The following LRP1B variants were observed in gnomAD, a reference collection of about 807,000 sequenced individuals.
LRP1B encodes the protein LDL receptor related protein 1B.
LRP1B carries 217 observed loss-of-function variants against 556.6 expected under a neutral mutation model. The observed-to-expected ratio is 0.39, with a 90% CI of 0.35 to 0.44. The LOEUF is 0.44. Ranked by LOEUF, LRP1B falls within the 20% of genes least tolerant of loss-of-function variation. The pLI, the probability that LRP1B is intolerant of heterozygous loss-of-function variation, is 1.00. For missense variants in LRP1B, 5,053 were observed against 5,620.8 expected, an observed-to-expected ratio of 0.90 and a Z score of 3.23; for synonymous variants, 2,047 against 1,865.8, an observed-to-expected ratio of 1.10 and a Z score of -2.50.
At chr2:140,674,532 A>G (rs1031063025) in intron 41 of LRP1B, among the ~76,000 whole-genome samples, 15 of 152,316 alleles carry the variant, frequency 9.8e-5, no homozygotes, top group African/African-American at 3.4e-4. Flanking sequence ...CTTTCAACAA[A>G]TTGCCAATCA....
At chr2:140,576,587 C>G in intron 43 of LRP1B, among the ~76,000 whole-genome samples, 1 of 152,152 alleles carries the variant, frequency 6.6e-6, no homozygotes, top group Non-Finnish European at 1.5e-5. Flanking sequence ...AATCTAAGAT[C>G]AGCTTCAAAG....
chr2:141,617,829 T>A (rs978220912), intron 2 of LRP1B, among the ~76,000 whole-genome samples: 5 of 152,222 alleles, frequency 3.3e-5, no homozygotes, highest in African/African-American at 1.2e-4. Context: ...GTATAAAAAC[T>A]CCCATGTATA....
rs139218960 is a variant in LRP1B at position 141,097,411 on chromosome 2, G to C, written c.1014-35138C>G. On this transcript the variant is annotated intron_variant, in intron 7 of 90. Coordinates refer to ENST00000389484, the MANE Select transcript of LRP1B (RefSeq NM_018557.3). ...ATTAAGCAAGTATCTGTGAACGGATGCCACTTCAAAGAGGGGGAGTAAGAA... is the reference window on the plus strand; with the variant it reads ...ATTAAGCAAGTATCTGTGAACGGATCCCACTTCAAAGAGGGGGAGTAAGAA... Among the ~76,000 whole-genome samples the C allele has an allele frequency of 7.2e-5, 11 of 152,230 alleles. 1 individual carries two copies. In the East Asian group the frequency reaches 1.9e-3, roughly 27 times the overall value.
chr2:140,986,295 T>A (rs1053637721), intron 17 of LRP1B, among the ~76,000 whole-genome samples: 1 of 152,152 alleles, frequency 6.6e-6, no homozygotes, highest in Non-Finnish European at 1.5e-5. Flanking sequence ...AGTTTTTCAC[T>A]ATTATAGCAC....
chr2:140,476,298 A>ATTT (rs527993098), intron 59 of LRP1B, among the ~76,000 whole-genome samples: 7,298 of 152,064 alleles, frequency 0.048, 213 homozygotes, highest in African/African-American at 0.052. Flanking sequence ...AAATCTGTTA[A>ATTT]CACAAGTAGA....
intron 1 of LRP1B, among the ~76,000 whole-genome samples, chr2:141,935,165 A>G (rs1700601762): frequency 6.6e-6 from 1 of 152,194 alleles, no homozygotes; most frequent in African/African-American, 2.4e-5. Context: ...CTATTGGTCT[A>G]AAAGATTTTA....
chr2:141,350,451 A>C (rs1034354138), intron 3 of LRP1B, among the ~76,000 whole-genome samples: 16 of 152,142 alleles, frequency 1.1e-4, no homozygotes, highest in African/African-American at 3.9e-4. Context: ...AAAACTTGCC[A>C]ATGTTCATAT....
intron 2 of LRP1B, among the ~76,000 whole-genome samples, chr2:141,499,982 A>T (rs1683654145): frequency 6.6e-6 from 1 of 152,068 alleles, no homozygotes. Context: ...TTTGAGCTAA[A>T]GGCAATTAAG....
intron 11 of LRP1B, among the ~76,000 whole-genome samples, chr2:141,046,612 A>G (rs563926200): frequency 6.6e-6 from 1 of 152,144 alleles, no homozygotes; most frequent in Admixed American, 6.6e-5. Flanking sequence ...CCTGGCGGTC[A>G]TTGTGGCTAT....
chr2:142,115,090 T>C (rs1334708111), intron 1 of LRP1B, among the ~76,000 whole-genome samples: 1 of 151,980 alleles, frequency 6.6e-6, no homozygotes, highest in Non-Finnish European at 1.5e-5. Context: ...TTTGGAACAG[T>C]AAAACATATT....
intron 1 of LRP1B, among the ~76,000 whole-genome samples, chr2:141,993,801 C>G (rs1412965041): frequency 6.6e-6 from 1 of 152,018 alleles, no homozygotes; most frequent in African/African-American, 2.4e-5. Context: ...TTTTTGATGA[C>G]TCAAGGTTAA....
chr2:140,949,961 A>AAAG (rs1695663700), intron 20 of LRP1B, among the ~76,000 whole-genome samples: 3 of 90,920 alleles, frequency 3.3e-5, no homozygotes, highest in Admixed American at 1.2e-4. Context: ...AAAAAAAAAA[A>AAAG]AAAGAAAAAA....
chr2:142,078,886 G>A (rs968288110), intron 1 of LRP1B, among the ~76,000 whole-genome samples: 4 of 152,018 alleles, frequency 2.6e-5, no homozygotes, highest in Admixed American at 2.6e-4. Context: ...TCTAGATGCT[G>A]TAGTCTCACA....
intron 41 of LRP1B, among the ~76,000 whole-genome samples, chr2:140,681,360 GTAA>G (rs1412871281): frequency 6.6e-6 from 1 of 152,004 alleles, no homozygotes; most frequent in African/African-American, 2.4e-5. Context: ...AGTCAAAAGA[GTAA>G]TAATTTATAT....
At chr2:140,805,029 C>G (rs1189603276) in intron 32 of LRP1B, among the ~76,000 whole-genome samples, 4 of 152,028 alleles carry the variant, frequency 2.6e-5, no homozygotes, top group Admixed American at 1.3e-4. Flanking sequence ...CCCTAAAAGA[C>G]AAATGATGAG....
intron 22 of LRP1B, among the ~76,000 whole-genome samples, chr2:140,907,276 A>G (rs565044506): frequency 6.6e-6 from 1 of 152,190 alleles, no homozygotes; most frequent in African/African-American, 2.4e-5. Flanking sequence ...TTTCTTTTGT[A>G]TGTGCTGGTT....
rs146344574 is a variant in LRP1B at position 141,759,906 on chromosome 2, A to G, written c.205+50373T>C. Among the ~76,000 whole-genome samples, 250 of 152,160 alleles carry G rather than the reference A, an allele frequency of 1.6e-3. 2 individuals carry two copies. The East Asian group carries it at 0.031, about 19-fold the overall frequency. ...AGCACTTTGGTAGGCCGAGGCGGGT[A>G]GATCACCTGAGGTCAGGAGTTTGAG... On this transcript the variant is annotated intron_variant, in intron 2 of 90. Transcript: ENST00000389484.
Position 141,404,574 on chromosome 2 carries a change from T to C in LRP1B, c.343+75822A>G, listed in dbSNP as rs867475809. Among the ~76,000 whole-genome samples the C allele has an allele frequency of 1.1e-4, 16 of 152,308 alleles. No homozygotes were observed. In the South Asian group the frequency reaches 2.9e-3, roughly 28 times the overall value. ...TATAAATCTGAGTGTAGAAATGTAA[T>C]AATAAGTCAGCACAGATATCCTAAT... On this transcript the variant is annotated intron_variant, in intron 3 of 90. Transcript: ENST00000389484.
chr2:141,518,640 G>A (rs2105168339), intron 2 of LRP1B, among the ~76,000 whole-genome samples: 1 of 152,228 alleles, frequency 6.6e-6, no homozygotes. Context: ...CAACGTGAGT[G>A]GTGATAGAAT....
Sources: gnomAD v4.1 joint callset for allele counts (sites outside exome capture counted in the v4.1 genomes callset) on GRCh38, gnomAD v4.1.1 for gene constraint, MANE v1.5 for transcripts, NCBI Gene and HGNC (gene_info 2026-07-23, HGNC 2026-07-21) for gene names.